TRPA1: variants seen among roughly 807,000 people sequenced by gnomAD.
The protein encoded by TRPA1 is transient receptor potential cation channel subfamily A member 1.
A neutral mutation model predicts 131.3 loss-of-function variants in TRPA1; 129 were observed. The ratio of observed to expected loss-of-function variants is 0.98; its 90% CI spans 0.85 to 1.14. The LOEUF is 1.14. TRPA1 is among the 50% of genes most tolerant of loss of function. The pLI is 0.00. For synonymous variants in TRPA1, 441 were observed against 451.7 expected, an observed-to-expected ratio of 0.98 and a Z score of 0.30; for missense variants, 1,304 against 1,354.2, an observed-to-expected ratio of 0.96 and a Z score of 0.58.
chr8:72,056,033 T>C, intron 10 of TRPA1, 178 bp from the exon 11 acceptor site: 2 of 655,234 alleles, frequency 3.1e-6, no homozygotes, highest in South Asian at 3.7e-5. Flanking sequence ...AGTTGAATGC[T>C]CTGTCTTCAT....
intron 14 of TRPA1, among the ~76,000 whole-genome samples, chr8:72,051,984 G>A (rs1805519927): frequency 6.6e-6 from 1 of 152,178 alleles, no homozygotes; most frequent in African/African-American, 2.4e-5. Flanking sequence ...TAGACATTTA[G>A]AAATAACTGA....
chr8:72,078,608 A>G (rs1019328971), upstream of TRPA1, among the ~76,000 whole-genome samples: 4 of 152,114 alleles, frequency 2.6e-5, no homozygotes, highest in Non-Finnish European at 5.9e-5. Context: ...TTATTGATCA[A>G]TAGTATTCCA....
rs779054006 is a variant in TRPA1, at chr8:72,062,926, CT to C, written c.679del (p.Ser227ValfsTer9). The C allele has an allele frequency of 1.2e-6, 2 of 1,613,904 alleles. No homozygotes were observed. Among genetic ancestry groups the C allele is most frequent in the East Asian group, 4.5e-5 (2 of 44,866 alleles). On this transcript the variant is annotated frameshift_variant, in exon 6 of 27. Coordinates refer to ENST00000262209, the MANE Select transcript of TRPA1 (RefSeq NM_007332.3). LOFTEE classifies it high-confidence loss of function. ...CATAAAGTTAATGTGCAACTGTCTACTGTACCCATGCTCTTCACCTTGAGAA... is the reference window on the plus strand; with the variant it reads ...CATAAAGTTAATGTGCAACTGTCTACGTACCCATGCTCTTCACCTTGAGAA... ...ILRFGEEHGY[S>X]RQLHINFMNN...
rs769411693 is a variant in TRPA1 at position 72,029,961 on chromosome 8, C to T, written c.2877G>A (p.Leu959=). 2 of 1,613,760 alleles carry T rather than the reference C, an allele frequency of 1.2e-6. No individual in the cohort carries two copies. Among genetic ancestry groups the T allele is most frequent in the East Asian group, 2.2e-5 (1 of 44,890 alleles). The change falls in exon 24 of 27, where the codon TTG becomes TTA. Residue 959 remains leucine (L), a synonymous_variant. Coordinates refer to ENST00000262209, the MANE Select transcript of TRPA1 (RefSeq NM_007332.3). ...GGACCTCAGCAATGTCGCCAACTGC[C>T]AAACCAATCTGAAGTATGACACAAA... is the stretch of plus-strand genomic sequence containing the variant. ...PIVLMNLLIG[L]AVGDIAEVQK...
chr8:72,080,564 C>T (rs550785039), upstream of TRPA1, among the ~76,000 whole-genome samples: 7 of 151,780 alleles, frequency 4.6e-5, no homozygotes, highest in African/African-American at 1.7e-4. Flanking sequence ...TATAGCTTTG[C>T]TATCAGTATA....
upstream of TRPA1, among the ~76,000 whole-genome samples, chr8:72,078,043 A>G (rs1481682506): frequency 6.6e-6 from 1 of 151,856 alleles, no homozygotes; most frequent in Non-Finnish European, 1.5e-5. Context: ...ATCAAGGAAA[A>G]TATAGTTATA....
rs1348501176 is a variant in TRPA1, at chr8:72,050,836, G to T, written c.1847C>A (p.Ser616Tyr). ...DECLKIFSHN[S>Y]PGNKCPITEM... ...TGTAATTGGACATTTATTGCCTGGA[G>T]AATTATGACTGAAAATCTTAAGACA... The change falls in exon 15 of 27, where the codon TCT becomes TAT. Residue 616 changes from serine to tyrosine, a missense_variant. Coordinates refer to ENST00000262209, the MANE Select transcript of TRPA1 (RefSeq NM_007332.3). 3.7e-6 allele frequency: 6 copies of T among 1,611,264 alleles called. 1 individual carries two copies. Among genetic ancestry groups the T allele is most frequent in the Non-Finnish European group, 4.2e-6 (5 of 1,178,508 alleles).
rs1284216283 is a variant in TRPA1 at position 72,034,393 on chromosome 8, A to C, written c.2556-16T>G. The stretch of plus-strand genomic sequence containing the variant: ...ATTTTCAAATCTAGAAAAGTAAAAA[A>C]AAAAAAATTTACTCACTTTTATAGT... On this transcript the variant is annotated splice_polypyrimidine_tract_variant and intron_variant, in intron 21 of 26. Coordinates refer to ENST00000262209, the MANE Select transcript of TRPA1 (RefSeq NM_007332.3). 3 of 1,448,434 alleles carry C rather than the reference A, an allele frequency of 2.1e-6. No individual in the cohort carries two copies. Among genetic ancestry groups the C allele is most frequent in the Admixed American group, 3.8e-5 (2 of 52,056 alleles). 89.7% of individuals were successfully genotyped at this position (1,448,434 alleles called of 1,614,324 possible).
Position 72,065,466 on chromosome 8 carries a change from T to G in TRPA1, c.537A>C (p.Glu179Asp). Reference sequence around the variant, plus strand: ...ATATACAAACCAAAATCTGCAATGCTTCGCTATTATTTGTGGTGCACGCAA... The same window carrying G: ...ATATACAAACCAAAATCTGCAATGCGTCGCTATTATTTGTGGTGCACGCAA... ...VIIACTTNNS[E>D]ALQILLKKGA... Residue 179 changes from glutamate (E) to aspartate (D), a missense_variant, in exon 4 of 27, where the codon GAA becomes GAC. Physicochemically the swap from Glu to Asp is conservative, Grantham distance 45. Coordinates refer to ENST00000262209, the MANE Select transcript of TRPA1 (RefSeq NM_007332.3). 2 of 1,613,340 alleles carry G rather than the reference T, an allele frequency of 1.2e-6. 1 individual carries two copies. Among genetic ancestry groups the G allele is most frequent in the South Asian group, 2.2e-5 (2 of 91,066 alleles).
chr8:72,058,525 T>C (rs141156682), intron 8 of TRPA1, among the ~76,000 whole-genome samples: 2,166 of 152,262 alleles, frequency 0.014, 91 homozygotes, highest in Admixed American at 0.085. Flanking sequence ...CTTTGTTCTT[T>C]TGGGGCCCAA....
At chr8:72,080,238 C>T (rs1256689773), upstream of TRPA1, among the ~76,000 whole-genome samples, 2 of 151,894 alleles carry the variant, frequency 1.3e-5, no homozygotes, top group Admixed American at 1.3e-4. Flanking sequence ...AGGGGGAAAG[C>T]AATATCTTTC....
intron 2 of TRPA1, 58 bp downstream of exon 2, chr8:72,071,653 T>C: frequency 6.3e-7 from 1 of 1,577,842 alleles, no homozygotes. Flanking sequence ...TTCCATTCTT[T>C]CTAGTTAATT....
At chr8:72,068,459 G>C (rs2129436533) in intron 3 of TRPA1, among the ~76,000 whole-genome samples, 1 of 150,226 alleles carries the variant, frequency 6.7e-6, no homozygotes, top group East Asian at 2.0e-4. Context: ...TTTCCCAGTG[G>C]TATCCTTATG....
At chr8:72,079,695 A>T (rs539420289), upstream of TRPA1, among the ~76,000 whole-genome samples, 1 of 152,064 alleles carries the variant, frequency 6.6e-6, no homozygotes, top group South Asian at 2.1e-4. Flanking sequence ...TTGATGGCTG[A>T]TGAAGCATTG....
chr8:72,077,742 G>T (rs1189476031), upstream of TRPA1, among the ~76,000 whole-genome samples: 7 of 151,946 alleles, frequency 4.6e-5, no homozygotes, highest in Admixed American at 4.6e-4. Flanking sequence ...TCCTCTAATT[G>T]CAAGATTAAT....
intron 14 of TRPA1, 147 bp downstream of exon 14, chr8:72,052,452 A>T: frequency 2.2e-6 from 2 of 912,248 alleles, no homozygotes; most frequent in Non-Finnish European, 3.3e-6. Flanking sequence ...AAAAATAAAA[A>T]ACCTTTAAAA....
intron 20 of TRPA1, 86 bp downstream of exon 20, chr8:72,037,897 A>C: frequency 1.3e-6 from 1 of 794,908 alleles, no homozygotes; most frequent in Non-Finnish European, 2.2e-6. Flanking sequence ...TTATGACATA[A>C]TATCTCAAGT....
At chr8:72,073,515 G>C (rs996711752) in intron 1 of TRPA1, among the ~76,000 whole-genome samples, 1 of 152,122 alleles carries the variant, frequency 6.6e-6, no homozygotes, top group East Asian at 1.9e-4. Context: ...ATGTTTCTTT[G>C]TCATGGGTTC....
chr8:72,040,680 G>C (rs1162836834), intron 17 of TRPA1, among the ~76,000 whole-genome samples: 1 of 152,034 alleles, frequency 6.6e-6, no homozygotes, highest in Non-Finnish European at 1.5e-5. Context: ...CTCAGGAGGG[G>C]ACCACTGATA....
Sources: gnomAD v4.1 joint callset for allele counts (sites outside exome capture counted in the v4.1 genomes callset) on GRCh38, gnomAD v4.1.1 for gene constraint, MANE v1.5 for transcripts, NCBI Gene and HGNC (gene_info 2026-07-23, HGNC 2026-07-21) for gene names.